Variants in ADSS1 observed in about 807,000 individuals in gnomAD.
ADSS1 encodes adenylosuccinate synthetase isozyme 1.
A neutral mutation model predicts 59.1 loss-of-function variants in ADSS1; 57 were observed. The observed-to-expected ratio is 0.97, with a 90% confidence interval of 0.78 to 1.20. The LOEUF is 1.20. ADSS1 is among the 50% of genes most tolerant of loss of function. The pLI, the probability that ADSS1 is intolerant of heterozygous loss-of-function variation, is 0.00. For synonymous variants in ADSS1, 247 were observed against 249.4 expected, an observed-to-expected ratio of 0.99 and a Z score of 0.09; for missense variants, 603 against 610.3, an observed-to-expected ratio of 0.99 and a Z score of 0.13.
intron 1 of ADSS1, among the ~76,000 whole-genome samples, chr14:104,730,956 A>AGGGGGGG (rs1457965664): frequency 2.1e-4 from 1 of 4,724 alleles, no homozygotes; most frequent in Non-Finnish European, 4.9e-4. Context: ...CTAGGCAGAG[A>AGGGGGGG]GTGGGGGGGG....
chr14:104,728,828 G>A (rs1255519003), intron 1 of ADSS1, among the ~76,000 whole-genome samples: 1 of 152,154 alleles, frequency 6.6e-6, no homozygotes, highest in Non-Finnish European at 1.5e-5. Flanking sequence ...AGAGCTGGTC[G>A]CTCCCATTCC....
intron 1 of ADSS1, among the ~76,000 whole-genome samples, chr14:104,733,497 G>A (rs899025289): frequency 2.0e-5 from 3 of 152,200 alleles, no homozygotes; most frequent in East Asian, 1.9e-4. Flanking sequence ...CAGATGCATC[G>A]TGAGGAGCTA....
chr14:104,730,001 C>G, intron 1 of ADSS1: 1 of 1,595,704 alleles, frequency 6.3e-7, no homozygotes, highest in Non-Finnish European at 8.5e-7. Flanking sequence ...CACAGCCCTC[C>G]CCTGGCTGCC....
intron 1 of ADSS1, among the ~76,000 whole-genome samples, chr14:104,728,932 C>G (rs903029707): frequency 6.6e-6 from 1 of 152,184 alleles, no homozygotes; most frequent in Non-Finnish European, 1.5e-5. Context: ...GGGCCTGGCA[C>G]AGCTAGGGCC....
At chr14:104,727,840 G>A (rs180752113) in intron 1 of ADSS1, among the ~76,000 whole-genome samples, 46 of 152,330 alleles carry the variant, frequency 3.0e-4, no homozygotes, top group Middle Eastern at 3.4e-3. Context: ...GCTCCAGCGC[G>A]CCCTGGTCAG....
chr14:104,730,067 C>T, intron 1 of ADSS1: 1 of 1,564,354 alleles, frequency 6.4e-7, no homozygotes, highest in Non-Finnish European at 8.7e-7. Context: ...GCCCACCCCT[C>T]ACCTTCCCAG....
chr14:104,746,104 C>T, intron 11 of ADSS1, 132 bp from the exon 12 acceptor site: 7 of 1,248,838 alleles, frequency 5.6e-6, no homozygotes, highest in Non-Finnish European at 7.7e-6. Context: ...CACGTGCCCA[C>T]TTGCTGCCTT....
rs980529056 is a variant in ADSS1 at position 104,740,251 on chromosome 14, A to G, written c.477-350A>G. Among the ~76,000 whole-genome samples, 1 of 152,120 alleles carries G rather than the reference A, an allele frequency of 6.6e-6. No individual in the cohort carries two copies. Among genetic ancestry groups the G allele is most frequent in the African/African-American group, 2.4e-5 (1 of 41,414 alleles). ...CACTTACCCACTCACACTCTCACAC[A>G]GGCACACACTCATGCTCTTACATAC... On this transcript the variant is annotated intron_variant, in intron 5 of 12. Transcript: ENST00000330877. This position sits in a 1 kb window ranked among gnomAD's most constrained non-coding sequence, Gnocchi z 4.8.
intron 1 of ADSS1, among the ~76,000 whole-genome samples, chr14:104,725,025 G>A (rs1890679995): frequency 6.6e-6 from 1 of 152,188 alleles, no homozygotes; most frequent in Non-Finnish European, 1.5e-5. Context: ...CCGTCCTGGG[G>A]GGCAATTGGG....
chr14:104,732,486 G>A (rs933023065), intron 1 of ADSS1, among the ~76,000 whole-genome samples: 5 of 152,196 alleles, frequency 3.3e-5, no homozygotes, highest in Non-Finnish European at 5.9e-5. Flanking sequence ...CAGGCTCAGC[G>A]TCCTGAGCTG....
At chr14:104,725,568 T>C (rs888801691) in intron 1 of ADSS1, among the ~76,000 whole-genome samples, 7 of 152,096 alleles carry the variant, frequency 4.6e-5, no homozygotes, top group African/African-American at 1.4e-4. Flanking sequence ...TAGAAAGTTC[T>C]TCCTGGAACA....
intron 11 of ADSS1, 74 bp downstream of exon 11, chr14:104,744,983 C>T: frequency 7.3e-7 from 1 of 1,362,160 alleles, no homozygotes; most frequent in Non-Finnish European, 1.0e-6. Context: ...CCTGTGACTT[C>T]TCAGAGAGGG....
At position 104,740,029 on chromosome 14, in the gene ADSS1, G is replaced by A. The variant is rs1202038020; in HGVS notation, c.476+213G>A. ...TCTGGGGTTGCACACTGTCCTTGCCGGCTGCCACTGCCACGCGGCTCCCCC... is the reference window on the plus strand; with the variant it reads ...TCTGGGGTTGCACACTGTCCTTGCCAGCTGCCACTGCCACGCGGCTCCCCC... On this transcript the variant is annotated intron_variant, in intron 5 of 12. Transcript: ENST00000330877. The surrounding 1 kb of genome is among the most constrained non-coding windows in gnomAD (Gnocchi z 4.8). Among the ~76,000 whole-genome samples, 1 of 152,112 alleles carries A rather than the reference G, an allele frequency of 6.6e-6. No homozygotes were observed. Among genetic ancestry groups the A allele is most frequent in the African/African-American group, 2.4e-5 (1 of 41,420 alleles).
chr14:104,729,560 G>C (rs539798957), intron 1 of ADSS1, among the ~76,000 whole-genome samples: 6,110 of 39,584 alleles, frequency 0.15, 604 homozygotes, highest in African/African-American at 0.37. Context: ...GCGTCGGCGT[G>C]GTGGGGAGGA....
chr14:104,738,765 C>T (rs1891219814), intron 3 of ADSS1, among the ~76,000 whole-genome samples: 1 of 152,200 alleles, frequency 6.6e-6, no homozygotes, highest in African/African-American at 2.4e-5. Context: ...AAGGATGTGG[C>T]TCCTGGGGGC....
chr14:104,725,625 A>G (rs4983538), intron 1 of ADSS1, among the ~76,000 whole-genome samples: 151,328 of 152,286 alleles, frequency 0.99, 75,191 homozygotes, highest in East Asian at 1. Context: ...GCAGGCAAGC[A>G]CATCCCTCGC....
chr14:104,727,542 G>C (rs1890750683), intron 1 of ADSS1, among the ~76,000 whole-genome samples: 1 of 152,102 alleles, frequency 6.6e-6, no homozygotes, highest in Non-Finnish European at 1.5e-5. Flanking sequence ...GTCTGTGCTG[G>C]GGTCCTGTGT....
intron 1 of ADSS1, among the ~76,000 whole-genome samples, chr14:104,731,514 T>C (rs1284611556): frequency 6.6e-6 from 1 of 152,194 alleles, no homozygotes; most frequent in Non-Finnish European, 1.5e-5. Context: ...TGCAGGACTC[T>C]GCAGCCCCTA....
rs772877236 is a variant in ADSS1, at chr14:104,746,392, G to A, written c.1321+7G>A. On this transcript the variant is annotated splice_region_variant and intron_variant, in intron 12 of 12. Coordinates refer to ENST00000330877, the MANE Select transcript of ADSS1 (RefSeq NM_152328.5). Reference sequence around the variant, plus strand: ...AATCACGTGGGAGTCGCAGGTGGGTGCCCTGCATCCCCAGCCACCCTCCCT... The same window carrying A: ...AATCACGTGGGAGTCGCAGGTGGGTACCCTGCATCCCCAGCCACCCTCCCT... 6.2e-7 allele frequency: 1 copy of A among 1,608,528 alleles called. No homozygotes were observed. Among genetic ancestry groups the A allele is most frequent in the South Asian group, 1.1e-5 (1 of 90,850 alleles).
Sources: allele counts gnomAD v4.1 joint callset (sites outside exome capture counted in the v4.1 genomes callset), GRCh38; gene constraint gnomAD v4.1.1; non-coding constraint Gnocchi (gnomAD v3.1); transcripts MANE v1.5; gene names NCBI Gene and HGNC (gene_info 2026-07-23, HGNC 2026-07-21).